The following SLC2A6 variants were observed in gnomAD, a reference collection of about 807,000 sequenced individuals.
SLC2A6 encodes solute carrier family 2 member 6.
In SLC2A6, 39 loss-of-function variants were observed where a neutral mutation model predicts 47.8. The observed-to-expected ratio is 0.82, with a 90% CI of 0.63 to 1.07. The LOEUF (loss-of-function observed/expected upper bound fraction) is 1.07. Ranked by LOEUF, SLC2A6 falls within the 50% of genes least tolerant of loss-of-function variation. The pLI is 0.00. For missense variants in SLC2A6, 650 were observed against 707.6 expected (o/e 0.92, Z 0.92); for synonymous variants, 346 against 324.1 (o/e 1.07, Z -0.73).
At position 133,473,550 on chromosome 9, in the gene SLC2A6, C is replaced by T. The variant is rs1554802350; in HGVS notation, c.1087G>A (p.Gly363Ser). The T allele has an allele frequency of 6.3e-7, 1 of 1,577,362 alleles. No individual in the cohort carries two copies. The highest frequency in any genetic ancestry group is 8.6e-7 in the Non-Finnish European group (1 of 1,163,328). ...CTGTTGGGGCTCAGAGGCCTGGGGC[C>T]AAAGTGGATGTACAGCCCCAGAGTC... Reference protein sequence around the residue: ...NLTLGLYIHFGPRPLSPNSTA... With the variant: ...NLTLGLYIHFSPRPLSPNSTA... The change falls in exon 8 of 10, where the codon GGC becomes AGC. Residue 363 changes from glycine (G) to serine (S), a missense_variant. Physicochemically the swap from Gly to Ser is moderately conservative, Grantham distance 56 (BLOSUM62 0). Transcript: ENST00000371899.
chr9:133,473,867 G>A, intron 7 of SLC2A6, 113 bp downstream of exon 7: 2 of 897,524 alleles, frequency 2.2e-6, no homozygotes, highest in Non-Finnish European at 3.3e-6. Context: ...AGGGAGGCAG[G>A]TGCTCTGCAG....
At chr9:133,477,958 C>G (rs1416907192) in intron 2 of SLC2A6, among the ~76,000 whole-genome samples, 1 of 152,224 alleles carries the variant, frequency 6.6e-6, no homozygotes, top group African/African-American at 2.4e-5. Context: ...TTGCCCCCAT[C>G]CAGCCAACTG....
At chr9:133,474,692 G>A (rs958781208) in intron 6 of SLC2A6, among the ~76,000 whole-genome samples, 5 of 152,300 alleles carry the variant, frequency 3.3e-5, no homozygotes, top group African/African-American at 9.6e-5. Flanking sequence ...TGATCCTCCC[G>A]CCTTGGCCTC....
chr9:133,478,188 G>A lies in SLC2A6; in HGVS notation c.255+66C>T. The A allele has an allele frequency of 3.2e-6, 5 of 1,562,700 alleles. No individual in the cohort carries two copies. The Middle Eastern group carries it at 5.1e-4, about 160-fold the overall frequency. On this transcript the variant is annotated intron_variant, in intron 2 of 9. Transcript: ENST00000371899. ...AGGTGGAGAATTTGGGAGGTTCCTA[G>A]CTGGAGATAAGGCTCAGCAGGTCCC... is the stretch of plus-strand genomic sequence containing the variant.
chr9:133,474,095 G>T lies in SLC2A6; in HGVS notation c.928-7C>A, dbSNP rs782141521. 4 of 1,591,690 alleles carry T rather than the reference G, an allele frequency of 2.5e-6. No individual in the cohort carries two copies. The highest frequency in any genetic ancestry group is 2.3e-5 in the South Asian group (2 of 88,034). On this transcript the variant is annotated splice_region_variant and splice_polypyrimidine_tract_variant and intron_variant, in intron 6 of 9. Coordinates refer to ENST00000371899, the MANE Select transcript of SLC2A6 (RefSeq NM_017585.4). The stretch of plus-strand genomic sequence containing the variant: ...CTGCGTCGTCCTTGGGGGGCTATCG[G>T]GGGGAGACCACCAGGGCTGAGGGAC...
intron 8 of SLC2A6, 53 bp from the exon 9 acceptor site, chr9:133,473,303 G>C (rs1018246377): frequency 6.5e-7 from 1 of 1,546,860 alleles, no homozygotes; most frequent in Non-Finnish European, 8.7e-7. Flanking sequence ...GGAGGCGGCT[G>C]TGTCTGTCTC....
In SLC2A6 at chr9:133,474,093, C is replaced by T. The variant is rs782088045; in HGVS notation, c.928-5G>A. On this transcript the variant is annotated splice_region_variant and splice_polypyrimidine_tract_variant and intron_variant, in intron 6 of 9. Coordinates refer to ENST00000371899, the MANE Select transcript of SLC2A6 (RefSeq NM_017585.4). Reference sequence around the variant, plus strand: ...GGCTGCGTCGTCCTTGGGGGGCTATCGGGGGGAGACCACCAGGGCTGAGGG... The same window carrying T: ...GGCTGCGTCGTCCTTGGGGGGCTATTGGGGGGAGACCACCAGGGCTGAGGG... 16 of 1,592,002 alleles carry T rather than the reference C, an allele frequency of 1.0e-5. 1 individual carries two copies. Among genetic ancestry groups the T allele is most frequent in the African/African-American group, 1.3e-5 (1 of 74,858 alleles).
At position 133,477,113 on chromosome 9, in the gene SLC2A6, A is replaced by G; in HGVS notation, c.384T>C (p.Gly128=). Residue 128 remains glycine (G), a synonymous_variant, in exon 3 of 10, where the codon GGT becomes GGC. Coordinates refer to ENST00000371899, the MANE Select transcript of SLC2A6 (RefSeq NM_017585.4). ...GCAGCAGCATCCAGAGGCCGTGCGC[A>G]CCCGCCATGAGCGCATAGCCGGCCG... is the stretch of plus-strand genomic sequence containing the variant. The part of the protein sequence containing the change: ...PSAAGYALMA[G]AHGLWMLLLG... 3 of 1,536,830 alleles carry G rather than the reference A, an allele frequency of 2.0e-6. No individual in the cohort carries two copies. The highest frequency in any genetic ancestry group is 8.8e-7 in the Non-Finnish European group (1 of 1,142,702).
rs1843916975 is a variant in SLC2A6 at position 133,475,631 on chromosome 9, G to A, written c.563-20C>T. On this transcript the variant is annotated intron_variant, in intron 4 of 9. Transcript: ENST00000371899. Reference sequence around the variant, plus strand: ...GGAGGCCTGGGGGCGAGGGGTGGGTGAGGGGCCAGGTCCAGGCCTGGTACA... The same window carrying A: ...GGAGGCCTGGGGGCGAGGGGTGGGTAAGGGGCCAGGTCCAGGCCTGGTACA... 12 of 1,560,500 alleles carry A rather than the reference G, an allele frequency of 7.7e-6. No homozygotes were observed. The highest frequency in any genetic ancestry group is 5.4e-5 in the African/African-American group (4 of 74,290).
rs1418597770 is a variant in SLC2A6 at position 133,471,965 on chromosome 9, C to G, written c.*56G>C. 4 of 1,577,854 alleles carry G rather than the reference C, an allele frequency of 2.5e-6. No individual in the cohort carries two copies. The African/African-American group carries it at 5.4e-5, about 21-fold the overall frequency. ...TTGGTCCCAGGGTGCAGGTTTGTAG[C>G]CAACACAGAGGCCCAGCCACTGGGG... On this transcript the variant is annotated 3_prime_UTR_variant, in exon 10 of 10. Transcript: ENST00000371899.
At chr9:133,478,754 G>T (rs1039496801) in intron 1 of SLC2A6, 5 of 588,690 alleles carry the variant, frequency 8.5e-6, no homozygotes, top group Non-Finnish European at 1.5e-5. Context: ...CTGTGGCAGT[G>T]GGGGGCTGGG....
In SLC2A6 at chr9:133,478,364, T is replaced by G. The variant is rs1050038439; in HGVS notation, c.145A>C (p.Asn49His). Residue 49 changes from asparagine to histidine, a missense_variant, in exon 2 of 10, where the codon AAT becomes CAT. Transcript: ENST00000371899. The stretch of plus-strand genomic sequence containing the variant: ...ACCAGGGCATACCCAAAGCTGAAAT[T>G]GCCGAGCACTGCGGCGAAGGTGGCC... ...FLATFAAVLG[N>H]FSFGYALVYT... 1.9e-6 allele frequency: 3 copies of G among 1,614,022 alleles called. No homozygotes were observed. In the African/African-American group the frequency reaches 4.0e-5, roughly 22 times the overall value.
At chr9:133,477,012 T>G in intron 3 of SLC2A6, 23 bp downstream of exon 3, 1 of 1,546,926 alleles carries the variant, frequency 6.5e-7, no homozygotes, top group Non-Finnish European at 8.7e-7. Flanking sequence ...TTGGGGCGCC[T>G]GGGTGGGAAG....
chr9:133,475,938 C>T (rs1843928611), intron 4 of SLC2A6, among the ~76,000 whole-genome samples: 1 of 152,258 alleles, frequency 6.6e-6, no homozygotes, highest in African/African-American at 2.4e-5. Flanking sequence ...TCTATCTGGA[C>T]TTCCCATCTG....
chr9:133,474,904 C>T, intron 6 of SLC2A6, 57 bp downstream of exon 6: 6 of 1,443,420 alleles, frequency 4.2e-6, no homozygotes, highest in Non-Finnish European at 5.5e-6. Context: ...GCCTCCCCTG[C>T]CCTGCCAGCC....
chr9:133,475,278 C>A, intron 5 of SLC2A6, 122 bp downstream of exon 5: 1 of 1,364,906 alleles, frequency 7.3e-7, no homozygotes, highest in South Asian at 1.5e-5. Flanking sequence ...CCCACCCCAA[C>A]CCAGGCACTT....
At chr9:133,474,756 A>G (rs2131026195) in intron 6 of SLC2A6, among the ~76,000 whole-genome samples, 1 of 152,296 alleles carries the variant, frequency 6.6e-6, no homozygotes, top group East Asian at 1.9e-4. Flanking sequence ...TATCTTAAAA[A>G]CATTCTGAGA....
Position 133,479,045 on chromosome 9 carries a change from C to A in SLC2A6, c.15G>T (p.Leu5=). 2 of 1,598,338 alleles carry A rather than the reference C, an allele frequency of 1.3e-6. No individual in the cohort carries two copies. The highest frequency in any genetic ancestry group is 1.7e-6 in the Non-Finnish European group (2 of 1,175,764). MQEP[L]LGAEGPDYDT... Reference sequence around the variant, plus strand: ...CGTAGTCCGGGCCCTCGGCTCCCAGCAGCGGCTCCTGCATGGCCGGGTCTC... The same window carrying A: ...CGTAGTCCGGGCCCTCGGCTCCCAGAAGCGGCTCCTGCATGGCCGGGTCTC... Residue 5 remains leucine, a synonymous_variant, in exon 1 of 10, where the codon CTG becomes CTT. Transcript: ENST00000371899.
chr9:133,472,157 A>G lies in SLC2A6; in HGVS notation c.1388T>C (p.Val463Ala), dbSNP rs782734858. ...GATGGCCGCGAAGAAGAAGAAAGGC[A>G]CCTGGAGGCCGAAGGTGCTCTGCGG... ...LPVVSTFGLQVPFFFFAAICL... is the reference protein window; with the variant it reads ...LPVVSTFGLQAPFFFFAAICL... Residue 463 changes from valine to alanine, a missense_variant, in exon 10 of 10, where the codon GTG becomes GCG. Transcript: ENST00000371899. The G allele has an allele frequency of 8.1e-6, 13 of 1,613,020 alleles. No homozygotes were observed. The highest frequency in any genetic ancestry group is 1.1e-5 in the Non-Finnish European group (13 of 1,179,916).
Sources: gnomAD v4.1 joint callset for allele counts (sites outside exome capture counted in the v4.1 genomes callset) on GRCh38, gnomAD v4.1.1 for gene constraint, MANE v1.5 for transcripts, NCBI Gene and HGNC (gene_info 2026-07-23, HGNC 2026-07-21) for gene names.